The following INTS6 variants were observed in gnomAD, a reference collection of about 807,000 sequenced individuals.
The protein encoded by INTS6 is DEAD box protein.
INTS6 carries 16 observed loss-of-function variants against 104.9 expected under a neutral mutation model. That is an observed-to-expected ratio of 0.15 (90% CI 0.10 to 0.23). The LOEUF (loss-of-function observed/expected upper bound fraction) is 0.23, where lower values mean the gene tolerates loss of function less well. Among genes scored for constraint, INTS6 ranks in the 10% least tolerant of loss-of-function variants. INTS6 has a pLI of 1.00. For missense variants in INTS6, 584 were observed against 1,062.8 expected (o/e 0.55, Z 6.26); for synonymous variants, 324 against 358.7 (o/e 0.90, Z 1.09).
chr13:51,448,126 T>C (rs1952961000), intron 3 of INTS6: 1 of 152,218 alleles, frequency 6.6e-6, no homozygotes, highest in African/African-American at 2.4e-5. Context: ...TTAACTCATC[T>C]ACATATAAAA....
At chr13:51,389,131 G>A (rs1377622994) in intron 6 of INTS6, among the ~76,000 whole-genome samples, 188 bp downstream of exon 6, 1 of 152,162 alleles carries the variant, frequency 6.6e-6, no homozygotes, top group South Asian at 2.1e-4. Flanking sequence ...ATACAAAAAG[G>A]TGATGCTACT....
exon 4 of INTS6, chr13:51,354,101 T>A (rs1955442556): frequency 6.6e-6 from 1 of 152,168 alleles, no homozygotes; most frequent in East Asian, 1.9e-4. Context: ...TTATCCAGTA[T>A]AAACACTCTA....
At chr13:51,370,473 T>TGAGC (rs1291666226) in intron 15 of INTS6, among the ~76,000 whole-genome samples, 3 of 152,192 alleles carry the variant, frequency 2.0e-5, no homozygotes, top group African/African-American at 7.2e-5. Context: ...TCTGTTGTGC[T>TGAGC]GAGCCCCTAT....
At chr13:51,368,253 A>T (rs1230969120) in intron 16 of INTS6, among the ~76,000 whole-genome samples, 1 of 152,214 alleles carries the variant, frequency 6.6e-6, no homozygotes, top group Non-Finnish European at 1.5e-5. Flanking sequence ...AACAGCTAAC[A>T]TGGGGGTAAC....
chr13:51,442,742 T>G (rs959161693), intron 3 of INTS6: 1 of 152,172 alleles, frequency 6.6e-6, no homozygotes, highest in Non-Finnish European at 1.5e-5. Flanking sequence ...TGCGCTCCTA[T>G]GAGACTCTAA....
At chr13:51,449,641 A>G (rs1593785543) in intron 3 of INTS6, 4 of 985,004 alleles carry the variant, frequency 4.1e-6, no homozygotes, top group Middle Eastern at 5.2e-4. Flanking sequence ...CAAGTTTTAA[A>G]TATCTCTTTG....
At chr13:51,377,811 A>C (rs1200853095) in intron 12 of INTS6, among the ~76,000 whole-genome samples, 1 of 152,094 alleles carries the variant, frequency 6.6e-6, no homozygotes, top group Admixed American at 6.5e-5. Flanking sequence ...TTACATTTCC[A>C]TATAAATTTT....
At chr13:51,356,025 G>A (rs762583250) in intron 3 of INTS6, among the ~76,000 whole-genome samples, 3 of 152,092 alleles carry the variant, frequency 2.0e-5, no homozygotes, top group Non-Finnish European at 4.4e-5. Flanking sequence ...GGAATCACAG[G>A]AAAATTGAGA....
chr13:51,434,769 T>A (rs1379293972), intron 3 of INTS6, among the ~76,000 whole-genome samples: 1 of 150,994 alleles, frequency 6.6e-6, no homozygotes, highest in Non-Finnish European at 1.5e-5. Context: ...GTTTTGTTGC[T>A]GCATAATGTC....
chr13:51,391,586 A>G (rs1593697339), intron 5 of INTS6, among the ~76,000 whole-genome samples: 2 of 152,212 alleles, frequency 1.3e-5, no homozygotes, highest in African/African-American at 4.8e-5. Context: ...GCTAATGCAT[A>G]AAGTTTCTAG....
At chr13:51,346,421 G>A in the INTS6 span, among the ~76,000 whole-genome samples, 17,611 of 152,214 alleles carry the variant, frequency 0.12, 1,267 homozygotes, top group South Asian at 0.21. Context: ...CCTAGGAAAT[G>A]GCCCCAAACA....
intron 5 of INTS6, among the ~76,000 whole-genome samples, chr13:51,390,420 T>C (rs1392845497): frequency 6.6e-6 from 1 of 151,940 alleles, no homozygotes; most frequent in East Asian, 1.9e-4. Flanking sequence ...ATTTTTAAAG[T>C]GGCTACTATG....
chr13:51,345,225 C>T, the INTS6 span, among the ~76,000 whole-genome samples: 1 of 152,118 alleles, frequency 6.6e-6, no homozygotes, highest in African/African-American at 2.4e-5. Flanking sequence ...CAGCCTCCTG[C>T]CCAGGGTCCA....
At position 51,378,410 on chromosome 13, in the gene INTS6, T is replaced by A; in HGVS notation, c.1431A>T (p.Lys477Asn). 2 of 1,613,290 alleles carry A rather than the reference T, an allele frequency of 1.2e-6. No individual in the cohort carries two copies. Among genetic ancestry groups the A allele is most frequent in the Non-Finnish European group, 1.7e-6 (2 of 1,179,386 alleles). Residue 477 changes from lysine (K) to asparagine (N), a missense_variant, in exon 12 of 18, where the codon AAA becomes AAT. By Grantham distance (94) the Lys-to-Asn change is moderately conservative. This residue lies in a region of INTS6 where 74 missense variants were observed against 64.4 expected (regional missense o/e 1.15). Coordinates refer to ENST00000311234, the MANE Select transcript of INTS6 (RefSeq NM_012141.3). ...SDRVIGSVGK[K>N]VVQETGIKVR... ...CTTTTATTCCAGTCTCCTGTACTAC[T>A]TTTTTGCCTACAGATCCAATGACTC...
intron 15 of INTS6, among the ~76,000 whole-genome samples, chr13:51,369,538 AAAT>A (rs1483155058): frequency 6.6e-6 from 1 of 152,204 alleles, no homozygotes; most frequent in African/African-American, 2.4e-5. Context: ...TTGGAGGAAA[AAAT>A]AAAGCCAATT....
At chr13:51,366,843 G>A (rs542907107) in intron 17 of INTS6, among the ~76,000 whole-genome samples, 2 of 152,102 alleles carry the variant, frequency 1.3e-5, no homozygotes, top group South Asian at 4.1e-4. Flanking sequence ...AAGTATAAGT[G>A]TGTTTACATT....
intron 3 of INTS6, chr13:51,436,665 A>T (rs1384330006): frequency 2.0e-5 from 3 of 152,196 alleles, no homozygotes; most frequent in Non-Finnish European, 4.4e-5. Context: ...GACTTTGTAA[A>T]AAAAAATAAT....
At chr13:51,411,598 T>C (rs1400437746) in intron 4 of INTS6, among the ~76,000 whole-genome samples, 1 of 151,324 alleles carries the variant, frequency 6.6e-6, no homozygotes, top group Non-Finnish European at 1.5e-5. Context: ...AGATTTTCAA[T>C]ATATTTAGTT....
At chr13:51,342,887 T>G in the INTS6 span, among the ~76,000 whole-genome samples, 3 of 152,212 alleles carry the variant, frequency 2.0e-5, no homozygotes, top group Non-Finnish European at 4.4e-5. Context: ...TGCAAGCACT[T>G]AAGTTAGGCT....
Sources: gnomAD v4.1 joint callset for allele counts (sites outside exome capture counted in the v4.1 genomes callset) on GRCh38, gnomAD v4.1.1 for gene constraint, gnomAD v4.1.1 regional missense constraint, MANE v1.5 for transcripts, NCBI Gene and HGNC (gene_info 2026-07-23, HGNC 2026-07-21) for gene names.